The following NAALADL2 variants were observed in gnomAD, a reference collection of about 807,000 sequenced individuals.
NAALADL2 encodes the protein inactive N-acetylated-alpha-linked acidic dipeptidase-like protein 2.
NAALADL2 carries 76 observed loss-of-function variants against 87.2 expected under a neutral mutation model. The ratio of observed to expected loss-of-function variants is 0.87; its 90% CI spans 0.72 to 1.05. NAALADL2 has a LOEUF of 1.05. Ranked by LOEUF, NAALADL2 falls within the 50% of genes least tolerant of loss-of-function variation. The pLI is 0.00. For missense variants in NAALADL2, 1,089 were observed against 945.8 expected, an observed-to-expected ratio of 1.15 and a Z score of -1.99; for synonymous variants, 354 against 331.0, an observed-to-expected ratio of 1.07 and a Z score of -0.75.
intron 1 of NAALADL2, among the ~76,000 whole-genome samples, chr3:174,884,552 A>G (rs7630102): frequency 0.06 from 9,163 of 152,128 alleles, 832 homozygotes; most frequent in African/African-American, 0.2. Flanking sequence ...AAGACATTCT[A>G]TGAGTCCACG....
At chr3:175,167,649 C>G (rs894176979) in intron 2 of NAALADL2, among the ~76,000 whole-genome samples, 6 of 152,028 alleles carry the variant, frequency 3.9e-5, no homozygotes, top group African/African-American at 1.4e-4. Context: ...ACAAGTGACA[C>G]ATCTATGAAT....
intron 1 of NAALADL2, among the ~76,000 whole-genome samples, chr3:174,539,903 A>T (rs971376452): frequency 1.4e-5 from 2 of 146,388 alleles, no homozygotes; most frequent in African/African-American, 5.0e-5. Context: ...TGTCAACCTC[A>T]GAGTTACTGA....
At chr3:174,467,496 A>T (rs1716607597) in intron 1 of NAALADL2, among the ~76,000 whole-genome samples, 1 of 150,978 alleles carries the variant, frequency 6.6e-6, no homozygotes, top group Non-Finnish European at 1.5e-5. Flanking sequence ...GGGAAGCTGA[A>T]CCAGGAGAAT....
intron 3 of NAALADL2, among the ~76,000 whole-genome samples, chr3:174,789,345 G>A (rs1270859266): frequency 6.6e-6 from 1 of 152,102 alleles, no homozygotes; most frequent in Non-Finnish European, 1.5e-5. Context: ...CGTGAGGTAG[G>A]GTAGGTAGAG....
chr3:175,382,353 A>G (rs1767883645), intron 5 of NAALADL2, among the ~76,000 whole-genome samples: 1 of 152,078 alleles, frequency 6.6e-6, no homozygotes. Context: ...TGTGAAATAA[A>G]TATTTGTAGA....
intron 11 of NAALADL2, among the ~76,000 whole-genome samples, chr3:175,640,231 A>G (rs899058056): frequency 6.6e-6 from 1 of 152,182 alleles, no homozygotes; most frequent in African/African-American, 2.4e-5. Context: ...CACAGCAAAG[A>G]ATAATTAATA....
intron 11 of NAALADL2, chr3:175,718,653 C>T: frequency 1.9e-6 from 3 of 1,582,370 alleles, no homozygotes; most frequent in Non-Finnish European, 2.6e-6. Flanking sequence ...ACTCCCGAGC[C>T]CGTGGTGGCT....
At chr3:174,874,926 G>C (rs2109647242) in intron 1 of NAALADL2, among the ~76,000 whole-genome samples, 1 of 151,654 alleles carries the variant, frequency 6.6e-6, no homozygotes, top group South Asian at 2.1e-4. Flanking sequence ...GACCAGCCTG[G>C]CAATATAGTG....
At chr3:174,443,324 T>A (rs1217828583) in intron 1 of NAALADL2, among the ~76,000 whole-genome samples, 1 of 152,168 alleles carries the variant, frequency 6.6e-6, no homozygotes, top group Non-Finnish European at 1.5e-5. Context: ...ATTCTGTATA[T>A]ATATTTTGAG....
chr3:174,512,160 T>C (rs1483639144), intron 1 of NAALADL2, among the ~76,000 whole-genome samples: 1 of 152,196 alleles, frequency 6.6e-6, no homozygotes, highest in East Asian at 1.9e-4. Context: ...GTAGTAGCAA[T>C]AATTTTTCGA....
At chr3:175,770,220 T>C (rs1749307055) in intron 13 of NAALADL2, among the ~76,000 whole-genome samples, 1 of 152,200 alleles carries the variant, frequency 6.6e-6, no homozygotes, top group African/African-American at 2.4e-5. Flanking sequence ...AAGATTAATT[T>C]GTAACATTTC....
chr3:175,556,097 T>G (rs1582384512), intron 9 of NAALADL2, among the ~76,000 whole-genome samples: 2 of 152,140 alleles, frequency 1.3e-5, no homozygotes, highest in Non-Finnish European at 2.9e-5. Context: ...CATTTATTAA[T>G]GGGATCAGCA....
At chr3:175,246,170 C>T (rs186639767) in intron 3 of NAALADL2, among the ~76,000 whole-genome samples, 2 of 152,162 alleles carry the variant, frequency 1.3e-5, no homozygotes, top group Admixed American at 6.5e-5. Context: ...AGAAGGTAAA[C>T]GTGGATAATC....
rs888593937 is a variant in NAALADL2 at position 174,548,136 on chromosome 3, T to C, written c.-183-2433T>C. 2.6e-5 allele frequency among the ~76,000 whole-genome samples: 4 copies of C among 152,324 alleles called. No homozygotes were observed. In the South Asian group the frequency reaches 6.2e-4, roughly 24 times the overall value. ...AAGGAAACCAGATGTTAAAACCACA[T>C]TTAGTTCATTACGAACTGTGTAAAC... On this transcript the variant is annotated intron_variant, in intron 1 of 3. Coordinates refer to the NAALADL2 transcript ENST00000434257.
chr3:175,731,651 C>T (rs891106090), intron 11 of NAALADL2, among the ~76,000 whole-genome samples: 8 of 152,234 alleles, frequency 5.3e-5, no homozygotes, highest in East Asian at 1.9e-4. Context: ...CTCTTGCTTA[C>T]GAAGCTGCAA....
At chr3:175,011,272 CAGAGAGACAGAGAGAGAGAG>C (rs1278378745) in intron 1 of NAALADL2, among the ~76,000 whole-genome samples, 6 of 110,290 alleles carry the variant, frequency 5.4e-5, no homozygotes, top group Admixed American at 9.5e-5. Context: ...GGGAGAGAGA[CAGAGAGACAGAGAGAGAGAG>C]AGAGAGAGAG....
intron 2 of NAALADL2, among the ~76,000 whole-genome samples, chr3:174,667,895 TGGG>T (rs1726126534): frequency 6.6e-6 from 1 of 152,058 alleles, no homozygotes; most frequent in Non-Finnish European, 1.5e-5. Context: ...CTTAGAAAAA[TGGG>T]GGTACTCAGT....
intron 9 of NAALADL2, among the ~76,000 whole-genome samples, chr3:175,558,004 C>T (rs1030472188): frequency 3.3e-5 from 5 of 151,860 alleles, no homozygotes; most frequent in African/African-American, 1.2e-4. Context: ...ACCATCCTGG[C>T]TAACATGGTG....
At chr3:174,821,925 T>C (rs1478054005) in intron 3 of NAALADL2, among the ~76,000 whole-genome samples, 2 of 152,028 alleles carry the variant, frequency 1.3e-5, no homozygotes, top group Admixed American at 1.3e-4. Flanking sequence ...TAAGGAAAAA[T>C]AGGTATTTTT....
Sources: allele counts gnomAD v4.1 joint callset (sites outside exome capture counted in the v4.1 genomes callset), GRCh38; gene constraint gnomAD v4.1.1; transcripts MANE v1.5; gene names NCBI Gene and HGNC (gene_info 2026-07-23, HGNC 2026-07-21).